VILL: variants seen among roughly 807,000 people sequenced by gnomAD.
VILL encodes the protein villin like.
In VILL, 102 loss-of-function variants were observed where a neutral mutation model predicts 106.3. That is an observed-to-expected ratio of 0.96 (90% CI 0.82 to 1.13). The LOEUF is 1.13. Ranked by LOEUF, VILL falls within the 50% of genes most tolerant of loss-of-function variation. The pLI, the probability that VILL is intolerant of heterozygous loss-of-function variation, is 0.00. For missense variants in VILL, 1,076 were observed against 1,116.6 expected (o/e 0.96, Z 0.52); for synonymous variants, 431 against 440.3 (o/e 0.98, Z 0.27).
chr3:37,990,329 C>T (rs987883491), upstream of VILL, among the ~76,000 whole-genome samples: 2 of 152,184 alleles, frequency 1.3e-5, no homozygotes, highest in African/African-American at 4.8e-5. This position sits in a 1 kb window ranked among gnomAD's most constrained non-coding sequence, Gnocchi z 5.1. Flanking sequence ...TGACCACCTT[C>T]CCCTCCTGAA....
chr3:38,004,959 G>A (rs979989363), intron 16 of VILL, among the ~76,000 whole-genome samples: 17 of 152,124 alleles, frequency 1.1e-4, no homozygotes, highest in African/African-American at 2.4e-4. Flanking sequence ...GTGTTTCTGC[G>A]CACAGTGGTA....
At chr3:38,002,774 C>CAG in intron 14 of VILL, 199 bp downstream of exon 14, 1 of 653,746 alleles carries the variant, frequency 1.5e-6, no homozygotes, top group Non-Finnish European at 2.5e-6. Context: ...TGAGAGTCCG[C>CAG]AGGTCAGAGC....
Position 37,998,529 on chromosome 3 carries a change from G to T in VILL, c.942+165G>T, listed in dbSNP as rs754939990. 6.6e-6 allele frequency among the ~76,000 whole-genome samples: 1 copy of T among 152,156 alleles called. No homozygotes were observed. The highest frequency in any genetic ancestry group is 2.4e-5 in the African/African-American group (1 of 41,426). Reference sequence around the variant, plus strand: ...AAGGGGAGGTAGCCCTGCCCTGGGAGCCCTGAGAGTAAAGACCAGGTGGCC... The same window carrying T: ...AAGGGGAGGTAGCCCTGCCCTGGGATCCCTGAGAGTAAAGACCAGGTGGCC... On this transcript the variant is annotated intron_variant, in intron 9 of 19. Coordinates refer to ENST00000383759, the MANE Select transcript of VILL (RefSeq NM_015873.4). The surrounding 1 kb of genome is among the most constrained non-coding windows in gnomAD (Gnocchi z 4.1).
At position 37,997,024 on chromosome 3, in the gene VILL, CTCTAGCGGATG is replaced by C; in HGVS notation, c.451-52_451-42del. The C allele has an allele frequency of 6.5e-7, 1 of 1,535,976 alleles. No individual in the cohort carries two copies. Among genetic ancestry groups the C allele is most frequent in the Non-Finnish European group, 9.0e-7 (1 of 1,110,412 alleles). On this transcript the variant is annotated intron_variant, in intron 5 of 19. Transcript: ENST00000383759. This position sits in a 1 kb window ranked among gnomAD's most constrained non-coding sequence, Gnocchi z 4.7. Reference sequence around the variant, plus strand: ...CGTGACACATCCCAGCTATGCTCCCCTCTAGCGGATGCTGGTGGTATGACACTCTGTCTCTC... The same window carrying C: ...CGTGACACATCCCAGCTATGCTCCCCCTGGTGGTATGACACTCTGTCTCTC...
chr3:38,002,387 C>T lies in VILL; in HGVS notation c.1480-9C>T, dbSNP rs748852756. 5.6e-6 allele frequency: 9 copies of T among 1,594,790 alleles called. No homozygotes were observed. Among genetic ancestry groups the T allele is most frequent in the Non-Finnish European group, 7.7e-6 (9 of 1,169,484 alleles). ...CCCTTGCCCAGCCTGAGGCCTTGCT[C>T]TCCTATAGGAGAGAGCTGGGCACCA... On this transcript the variant is annotated splice_polypyrimidine_tract_variant and intron_variant, in intron 13 of 19. Transcript: ENST00000383759.
At position 37,997,753 on chromosome 3, in the gene VILL, A is replaced by G; in HGVS notation, c.764+68A>G. The G allele has an allele frequency of 6.6e-7, 1 of 1,504,282 alleles. No individual in the cohort carries two copies. Among genetic ancestry groups the G allele is most frequent in the Non-Finnish European group, 9.0e-7 (1 of 1,115,052 alleles). The allele number at this position is 1,504,282 out of a possible 1,614,324, so 93.2% of individuals were successfully genotyped here. ...GGACTCTGTGTCCATCACTACTGCA[A>G]TAACACGGCATCTCTAGAAGGCCCT... is the stretch of plus-strand genomic sequence containing the variant. On this transcript the variant is annotated intron_variant, in intron 7 of 19. Transcript: ENST00000383759. The surrounding 1 kb of genome is among the most constrained non-coding windows in gnomAD (Gnocchi z 4.7).
intron 16 of VILL, 121 bp from the exon 17 acceptor site, chr3:38,005,671 C>T: frequency 1.8e-6 from 2 of 1,109,316 alleles, no homozygotes; most frequent in Non-Finnish European, 2.5e-6. Flanking sequence ...GGTGTGTCTG[C>T]TTGGCCAGGG....
chr3:37,990,695 G>A (rs1485682361), upstream of VILL: 2 of 152,516 alleles, frequency 1.3e-5, no homozygotes, highest in Non-Finnish European at 2.9e-5. This position sits in a 1 kb window ranked among gnomAD's most constrained non-coding sequence, Gnocchi z 5.1. Context: ...TGTGTGGTGG[G>A]GTGTGTCCTG....
intron 1 of VILL, among the ~76,000 whole-genome samples, chr3:37,993,237 T>A (rs1256620736): frequency 3.3e-5 from 5 of 152,234 alleles, no homozygotes; most frequent in Non-Finnish European, 1.5e-5. Flanking sequence ...TCGAGCAAGC[T>A]AAATCGCTAT....
chr3:38,002,723 C>T, intron 14 of VILL, 148 bp downstream of exon 14: 2 of 959,870 alleles, frequency 2.1e-6, no homozygotes, highest in South Asian at 3.4e-5. Flanking sequence ...CACAGGGTCC[C>T]CTCTAGAACT....
At chr3:37,994,111 G>A in intron 3 of VILL, 139 bp downstream of exon 3, 2 of 1,419,786 alleles carry the variant, frequency 1.4e-6, no homozygotes, top group Middle Eastern at 1.8e-4. Flanking sequence ...GGCGGTTACC[G>A]TTGAGGCTTC....
intron 14 of VILL, 85 bp from the exon 15 acceptor site, chr3:38,003,082 AC>A: frequency 6.6e-7 from 1 of 1,508,564 alleles, no homozygotes; most frequent in African/African-American, 1.4e-5. Flanking sequence ...GCCCAGCCCC[AC>A]CCCATACACC....
intron 1 of VILL, among the ~76,000 whole-genome samples, chr3:37,992,272 CCTT>C (rs1422968628): frequency 2.0e-5 from 3 of 152,162 alleles, no homozygotes; most frequent in Non-Finnish European, 2.9e-5. Context: ...TACTCAGTGT[CCTT>C]CTACGGGGCC....
Position 37,997,500 on chromosome 3 carries a change from C to T in VILL, c.579C>T (p.Tyr193=). The change falls in exon 7 of 20, where the codon TAC becomes TAT. Residue 193 remains tyrosine, a synonymous_variant. Transcript: ENST00000383759. This position sits in a 1 kb window ranked among gnomAD's most constrained non-coding sequence, Gnocchi z 4.7. The part of the protein sequence containing the change: ...SEKARGLALT[Y]SLRDRERGGG... Reference sequence around the variant, plus strand: ...TCCCGCAGGGGCTGGCTTTGACCTACAGCCTCCGGGACAGGGAACGTGGTG... The same window carrying T: ...TCCCGCAGGGGCTGGCTTTGACCTATAGCCTCCGGGACAGGGAACGTGGTG... 3.7e-6 allele frequency: 6 copies of T among 1,613,936 alleles called. No homozygotes were observed. Among genetic ancestry groups the T allele is most frequent in the South Asian group, 1.1e-5 (1 of 91,074 alleles).
intron 1 of VILL, among the ~76,000 whole-genome samples, chr3:37,992,262 TACTC>T (rs1273246182): frequency 6.6e-6 from 1 of 152,150 alleles, no homozygotes; most frequent in African/African-American, 2.4e-5. Context: ...TTCTGCCTAT[TACTC>T]AGTGTCCTTC....
At position 37,997,228 on chromosome 3, in the gene VILL, G is replaced by A. The variant is rs763299313; in HGVS notation, c.561+41G>A. The A allele has an allele frequency of 1.3e-6, 2 of 1,593,316 alleles. No individual in the cohort carries two copies. Among genetic ancestry groups the A allele is most frequent in the South Asian group, 2.2e-5 (2 of 90,540 alleles). ...AGGAACTGGGGAGTACGGGGCTTGGGCGGGGAATGATCCTCCAGTTGACCA... is the reference window on the plus strand; with the variant it reads ...AGGAACTGGGGAGTACGGGGCTTGGACGGGGAATGATCCTCCAGTTGACCA... On this transcript the variant is annotated intron_variant, in intron 6 of 19. Transcript: ENST00000383759. The surrounding 1 kb of genome is among the most constrained non-coding windows in gnomAD (Gnocchi z 4.7).
chr3:38,007,091 C>G lies in VILL; in HGVS notation c.*36C>G. 1.3e-6 allele frequency: 2 copies of G among 1,544,512 alleles called. No homozygotes were observed. The highest frequency in any genetic ancestry group is 1.8e-6 in the Non-Finnish European group (2 of 1,118,438). Reference sequence around the variant, plus strand: ...TCTCGACTGCCCCTATCCCCTGGACCCCAACATACCTACAATGCTGGGGAG... The same window carrying G: ...TCTCGACTGCCCCTATCCCCTGGACGCCAACATACCTACAATGCTGGGGAG... On this transcript the variant is annotated 3_prime_UTR_variant, in exon 20 of 20. Coordinates refer to ENST00000383759, the MANE Select transcript of VILL (RefSeq NM_015873.4).
intron 1 of VILL, chr3:37,991,083 C>T (rs2125641762): frequency 6.6e-6 from 1 of 152,416 alleles, no homozygotes; most frequent in Non-Finnish European, 1.5e-5. Context: ...CCCACAAATT[C>T]AGTGTGCCTG....
At chr3:37,994,225 C>G in intron 3 of VILL, 36 bp from the exon 4 acceptor site, 1 of 1,572,778 alleles carries the variant, frequency 6.4e-7, no homozygotes, top group African/African-American at 1.3e-5. Flanking sequence ...CCTCCGTCTT[C>G]CCCGCAACAC....
Sources: allele counts gnomAD v4.1 joint callset (sites outside exome capture counted in the v4.1 genomes callset), GRCh38; gene constraint gnomAD v4.1.1; non-coding constraint Gnocchi (gnomAD v3.1); transcripts MANE v1.5; gene names NCBI Gene and HGNC (gene_info 2026-07-23, HGNC 2026-07-21).